The following PPP2R1B variants were observed in gnomAD, a reference collection of about 807,000 sequenced individuals.
PPP2R1B encodes the protein protein phosphatase 2 scaffold subunit Abeta, also known as serine/threonine-protein phosphatase 2A 65 kDa regulatory subunit A beta isoform.
PPP2R1B carries 58 observed loss-of-function variants against 72.7 expected under a neutral mutation model. The observed-to-expected ratio is 0.80, with a 90% CI of 0.65 to 0.99. The LOEUF (loss-of-function observed/expected upper bound fraction) is 0.99. PPP2R1B is among the 50% of genes least tolerant of loss of function. The pLI is 0.00. For synonymous variants in PPP2R1B, 256 were observed against 264.6 expected (o/e 0.97, Z 0.32); for missense variants, 695 against 733.6 (o/e 0.95, Z 0.61).
At chr11:111,701,705 C>A in the PPP2R1B span, 2 of 1,218,288 alleles carry the variant, frequency 1.6e-6, no homozygotes, top group Non-Finnish European at 2.2e-6. This position sits in a 1 kb window ranked among gnomAD's most constrained non-coding sequence, Gnocchi z 4.2. Flanking sequence ...AGGTTAAAAG[C>A]TATAGAAAGA....
In PPP2R1B at chr11:111,753,506, A is replaced by C. The variant is rs782706660; in HGVS notation, c.1101T>G (p.Ile367Met). Residue 367 changes from isoleucine (I) to methionine (M), a missense_variant, in exon 9 of 15, where the codon ATT becomes ATG. By Grantham distance (10) the Ile-to-Met change is conservative. Coordinates refer to ENST00000527614, the MANE Select transcript of PPP2R1B (RefSeq NM_002716.5). ...GTTCAATGGTATTTTCTTTGCCCAA[A>C]ATAGTAGACAATCCCATAATTACAG... ...LASVIMGLST[I>M]LGKENTIEHL... 8.7e-6 allele frequency: 14 copies of C among 1,613,170 alleles called. No homozygotes were observed. Among genetic ancestry groups the C allele is most frequent in the Non-Finnish European group, 1.2e-5 (14 of 1,179,306 alleles).
At chr11:111,764,456 G>A (rs1166231976) in intron 3 of PPP2R1B, among the ~76,000 whole-genome samples, 4 of 152,162 alleles carry the variant, frequency 2.6e-5, no homozygotes, top group Non-Finnish European at 4.4e-5. Flanking sequence ...CACAAAGTCA[G>A]AAGCAAAAGT....
At chr11:111,720,386 G>A in the PPP2R1B span, 1 of 1,265,520 alleles carries the variant, frequency 7.9e-7, no homozygotes, top group Non-Finnish European at 1.1e-6. Flanking sequence ...GGACATGGTA[G>A]CTGTCAAAAC....
chr11:111,710,060 G>T, the PPP2R1B span, among the ~76,000 whole-genome samples: 1 of 152,200 alleles, frequency 6.6e-6, no homozygotes. Flanking sequence ...GTCTAATAAA[G>T]TTGGGAAGTA....
At chr11:111,701,055 A>C in the PPP2R1B span, 1 of 1,588,420 alleles carries the variant, frequency 6.3e-7, no homozygotes. The surrounding 1 kb of genome is among the most constrained non-coding windows in gnomAD (Gnocchi z 4.2). Context: ...CTATACTGAT[A>C]ATACTTGGTG....
At chr11:111,701,744 G>C in the PPP2R1B span, among the ~76,000 whole-genome samples, 3 of 152,128 alleles carry the variant, frequency 2.0e-5, no homozygotes, top group Non-Finnish European at 2.9e-5. The surrounding 1 kb of genome is among the most constrained non-coding windows in gnomAD (Gnocchi z 4.2). Context: ...GGCGAGACAG[G>C]TTCCAGCCTT....
chr11:111,711,546 C>A, the PPP2R1B span, among the ~76,000 whole-genome samples: 1 of 152,158 alleles, frequency 6.6e-6, no homozygotes, highest in Non-Finnish European at 1.5e-5. Flanking sequence ...AAAAACATAG[C>A]TTGCAGTAAG....
At chr11:111,704,180 C>T in the PPP2R1B span, among the ~76,000 whole-genome samples, 1 of 152,216 alleles carries the variant, frequency 6.6e-6, no homozygotes, top group Non-Finnish European at 1.5e-5. Flanking sequence ...ACTTTGCGCC[C>T]AGTGATGTTT....
chr11:111,743,559 A>G, intron 11 of PPP2R1B, 29 bp from the exon 12 acceptor site: 1 of 1,583,338 alleles, frequency 6.3e-7, no homozygotes, highest in Non-Finnish European at 8.6e-7. Flanking sequence ...ACATGTTCTC[A>G]TATCGCTTAT....
chr11:111,747,773 A>G lies in PPP2R1B; in HGVS notation c.1399+181T>C, dbSNP rs1290952017. On this transcript the variant is annotated intron_variant, in intron 11 of 14. Coordinates refer to ENST00000527614, the MANE Select transcript of PPP2R1B (RefSeq NM_002716.5). ...TTTAATGGAGAAAATAAAATCGAAG[A>G]TACAAAAAATTGGTAGAAACGTCAA... is the stretch of plus-strand genomic sequence containing the variant. Among the ~76,000 whole-genome samples, 4 of 152,242 alleles carry G rather than the reference A, an allele frequency of 2.6e-5. No homozygotes were observed. In the East Asian group the frequency reaches 7.7e-4, roughly 29 times the overall value.
At chr11:111,707,316 G>T in the PPP2R1B span, among the ~76,000 whole-genome samples, 2 of 152,148 alleles carry the variant, frequency 1.3e-5, no homozygotes, top group African/African-American at 4.8e-5. Flanking sequence ...TATTGTACAC[G>T]ATATCCTTTC....
intron 3 of PPP2R1B, among the ~76,000 whole-genome samples, chr11:111,761,949 G>A (rs552723981): frequency 1.3e-3 from 202 of 152,182 alleles, no homozygotes; most frequent in Non-Finnish European, 2.1e-3. Context: ...GACAGAGTGA[G>A]GCTCTTGTCT....
At chr11:111,723,484 T>C (rs894447767), downstream of PPP2R1B, 4 of 1,579,038 alleles carry the variant, frequency 2.5e-6, no homozygotes, top group African/African-American at 4.1e-5. Context: ...TCCTTTGATA[T>C]TACCAATTTA....
At chr11:111,718,565 C>T in the PPP2R1B span, among the ~76,000 whole-genome samples, 1 of 152,238 alleles carries the variant, frequency 6.6e-6, no homozygotes, top group South Asian at 2.1e-4. Flanking sequence ...TAACCTTCCC[C>T]TCCCTGCAGC....
At chr11:111,727,983 G>A (rs1233868426) in intron 15 of PPP2R1B, 1 of 152,146 alleles carries the variant, frequency 6.6e-6, no homozygotes, top group East Asian at 1.9e-4. Flanking sequence ...CTCCCTATTG[G>A]TTTAAAGAAA....
the PPP2R1B span, chr11:111,703,354 C>T: frequency 2.2e-5 from 36 of 1,613,974 alleles, no homozygotes; most frequent in South Asian, 2.6e-4. Context: ...AGCCATCCAT[C>T]GGGGAGTTTA....
At chr11:111,723,611 C>T (rs777153204), downstream of PPP2R1B, 9 of 1,614,184 alleles carry the variant, frequency 5.6e-6, no homozygotes, top group Non-Finnish European at 5.1e-6. Flanking sequence ...GCCCCTTCCC[C>T]GCCAGGAGAC....
downstream of PPP2R1B, chr11:111,723,974 G>A (rs747733489): frequency 1.5e-5 from 24 of 1,614,106 alleles, no homozygotes; most frequent in Non-Finnish European, 1.9e-5. Flanking sequence ...CCAGCAGAGC[G>A]ACCTAACGGG....
intron 5 of PPP2R1B, among the ~76,000 whole-genome samples, chr11:111,755,983 C>T (rs1591702787): frequency 6.6e-6 from 1 of 151,682 alleles, no homozygotes; most frequent in Admixed American, 6.6e-5. Context: ...CTGAGGCAGG[C>T]GGATCACGAG....
Sources: gnomAD v4.1 joint callset for allele counts (sites outside exome capture counted in the v4.1 genomes callset) on GRCh38, gnomAD v4.1.1 for gene constraint, Gnocchi (gnomAD v3.1) non-coding constraint, MANE v1.5 for transcripts, NCBI Gene and HGNC (gene_info 2026-07-23, HGNC 2026-07-21) for gene names.